The following ABI3BP variants were observed in gnomAD, a reference collection of about 807,000 sequenced individuals.
ABI3BP encodes the protein ABI family member 3 binding protein, also known as target of Nesh-SH3.
Under a neutral mutation model 268.6 loss-of-function variants are expected in ABI3BP, and 216 were observed. The ratio of observed to expected loss-of-function variants is 0.80; its 90% CI spans 0.72 to 0.90. The LOEUF (loss-of-function observed/expected upper bound fraction) is 0.90, where lower values mean the gene tolerates loss of function less well. Ranked by LOEUF, ABI3BP falls within the 40% of genes least tolerant of loss-of-function variation. The pLI is 0.00. For synonymous variants in ABI3BP, 730 were observed against 730.0 expected, an observed-to-expected ratio of 1.00 and a Z score of 0.00; for missense variants, 2,090 against 2,182.4, an observed-to-expected ratio of 0.96 and a Z score of 0.84.
intron 1 of ABI3BP, among the ~76,000 whole-genome samples, chr3:100,931,332 G>A (rs1235594708): frequency 6.6e-6 from 1 of 152,050 alleles, no homozygotes; most frequent in East Asian, 1.9e-4. Context: ...CATAGTACTG[G>A]AAGTCTTAGC....
At chr3:100,904,215 G>A (rs2051997177) in intron 2 of ABI3BP, among the ~76,000 whole-genome samples, 1 of 152,182 alleles carries the variant, frequency 6.6e-6, no homozygotes, top group Non-Finnish European at 1.5e-5. Context: ...AACTGGGGCA[G>A]GGTTGACTTC....
chr3:100,819,947 C>CA lies in ABI3BP; in HGVS notation c.3031+272dup, dbSNP rs3029879. On this transcript the variant is annotated intron_variant, in intron 40 of 67. Coordinates refer to ENST00000471714, the MANE Select transcript of ABI3BP (RefSeq NM_001375547.2). ...GGGGCAACAGAGTAAGACTCCGTCT[C>CA]AAAAAAAAAAAAAAAAAAAAAAGAA... Among the ~76,000 whole-genome samples the CA allele has an allele frequency of 8.4e-3, 794 of 94,284 alleles. 10 individuals carry two copies. Among genetic ancestry groups the CA allele is most frequent in the East Asian group, 0.017 (48 of 2,884 alleles). The allele number at this position is 94,284 out of a possible 152,430, so 61.9% of individuals were successfully genotyped here. A position where few individuals can be genotyped will look rare whatever the true frequency, so the allele number is the denominator to read the frequency against.
chr3:100,885,634 C>T, intron 5 of ABI3BP, 46 bp from the exon 6 acceptor site: 1 of 1,181,730 alleles, frequency 8.5e-7, no homozygotes, highest in South Asian at 1.5e-5. Context: ...TCTCCTTGCT[C>T]CTAAATCAAC....
chr3:100,959,659 C>T (rs1355365741), intron 1 of ABI3BP, among the ~76,000 whole-genome samples: 1 of 151,894 alleles, frequency 6.6e-6, no homozygotes, highest in Non-Finnish European at 1.5e-5. Context: ...GTTGTAGGCT[C>T]AAAGGGAAGA....
At chr3:100,945,945 T>C (rs1335736411) in intron 1 of ABI3BP, among the ~76,000 whole-genome samples, 1 of 152,188 alleles carries the variant, frequency 6.6e-6, no homozygotes, top group Admixed American at 6.5e-5. Context: ...AATATTTCTC[T>C]TGCTTGAGGA....
At chr3:100,916,833 C>A (rs2058747191) in intron 2 of ABI3BP, among the ~76,000 whole-genome samples, 2 of 152,172 alleles carry the variant, frequency 1.3e-5, no homozygotes, top group African/African-American at 4.8e-5. Flanking sequence ...TGGGCTATTA[C>A]CTTGGGATCA....
chr3:100,909,729 A>T (rs962827177), intron 2 of ABI3BP, among the ~76,000 whole-genome samples: 3 of 152,248 alleles, frequency 2.0e-5, no homozygotes, highest in Non-Finnish European at 4.4e-5. Flanking sequence ...ATACCATCTC[A>T]TTCCAGGTAG....
At position 100,808,393 on chromosome 3, in the gene ABI3BP, T is replaced by A. The variant is rs73152453; in HGVS notation, c.3608-158A>T. Among the ~76,000 whole-genome samples, 21,033 of 152,012 alleles carry A rather than the reference T, an allele frequency of 0.14. 1,891 individuals carry two copies. Among genetic ancestry groups the A allele is most frequent in the South Asian group, 0.27 (1,291 of 4,810 alleles). On this transcript the variant is annotated intron_variant, in intron 49 of 67. Transcript: ENST00000471714. The stretch of plus-strand genomic sequence containing the variant: ...TGCAAAGTATAGGAAGGTAACTTTT[T>A]TATATAACAGAAAACAAAACAAAAA...
chr3:100,971,510 G>A (rs1180867294), intron 1 of ABI3BP, among the ~76,000 whole-genome samples: 1 of 152,176 alleles, frequency 6.6e-6, no homozygotes, highest in Non-Finnish European at 1.5e-5. Context: ...GCATTATAAG[G>A]AGAAGGCAAG....
chr3:100,857,304 T>G (rs531314832), intron 14 of ABI3BP, among the ~76,000 whole-genome samples: 1 of 152,210 alleles, frequency 6.6e-6, no homozygotes, highest in Non-Finnish European at 1.5e-5. Flanking sequence ...GATTTCATTG[T>G]ATTAAGGAAA....
chr3:100,824,004 A>G (rs993741398), intron 36 of ABI3BP, among the ~76,000 whole-genome samples: 6 of 152,218 alleles, frequency 3.9e-5, no homozygotes, highest in African/African-American at 1.4e-4. Flanking sequence ...ATCTATACAC[A>G]GAGTTTGAGA....
intron 60 of ABI3BP, 35 bp downstream of exon 60, chr3:100,775,172 C>T: frequency 6.2e-7 from 1 of 1,606,450 alleles, no homozygotes. Context: ...CACCTCACAG[C>T]TAAGTATCCA....
chr3:100,948,707 A>G (rs538040501), intron 1 of ABI3BP, among the ~76,000 whole-genome samples: 2 of 152,320 alleles, frequency 1.3e-5, no homozygotes, highest in Non-Finnish European at 2.9e-5. Context: ...TTTAACTTAA[A>G]AAATTATACA....
Position 100,754,664 on chromosome 3 carries a change from G to GT in ABI3BP, c.4877dup (p.Asn1626LysfsTer5). The stretch of plus-strand genomic sequence containing the variant: ...TGCTGACCGGGCCTTCACCAAGCGG[G>GT]TTTTTGGGTTTCACCTGGAATTCAT... On this transcript the variant is annotated frameshift_variant, in exon 64 of 68. Coordinates refer to ENST00000471714, the MANE Select transcript of ABI3BP (RefSeq NM_001375547.2). LOFTEE classifies it high-confidence loss of function. 1 of 1,589,622 alleles carries GT rather than the reference G, an allele frequency of 6.3e-7. No homozygotes were observed. Among genetic ancestry groups the GT allele is most frequent in the Non-Finnish European group, 8.6e-7 (1 of 1,166,632 alleles).
At chr3:100,929,792 A>G (rs2063033387) in intron 1 of ABI3BP, among the ~76,000 whole-genome samples, 1 of 151,906 alleles carries the variant, frequency 6.6e-6, no homozygotes, top group Non-Finnish European at 1.5e-5. Flanking sequence ...GATTCCCTCT[A>G]TCTTTGGTTT....
chr3:100,809,039 C>T (rs1262368104), intron 49 of ABI3BP, among the ~76,000 whole-genome samples: 2 of 151,994 alleles, frequency 1.3e-5, no homozygotes, highest in African/African-American at 4.8e-5. Context: ...TTATTTGACA[C>T]CAGAAGTTTC....
chr3:100,808,651 A>C (rs1424056979), intron 49 of ABI3BP, among the ~76,000 whole-genome samples: 1 of 152,102 alleles, frequency 6.6e-6, no homozygotes, highest in Non-Finnish European at 1.5e-5. Context: ...GCCCAAATAT[A>C]TAATGTATTT....
Position 100,808,162 on chromosome 3 carries a change from T to C in ABI3BP, c.3681A>G (p.Pro1227=). ...CTAAAATGTAAAATATATATTTACCTGGTTGTGTTTGTGGGATTCTTGGGC... is the reference window on the plus strand; with the variant it reads ...CTAAAATGTAAAATATATATTTACCCGGTTGTGTTTGTGGGATTCTTGGGC... ...SPRPRIPQTQ[P]VPKVPQRVTA... The change falls in exon 50 of 68, where the codon CCA becomes CCG. Residue 1227 remains proline, a splice_region_variant and synonymous_variant. Transcript: ENST00000471714. The C allele has an allele frequency of 6.2e-7, 1 of 1,610,782 alleles. No individual in the cohort carries two copies. Among genetic ancestry groups the C allele is most frequent in the South Asian group, 1.1e-5 (1 of 90,792 alleles).
At chr3:100,861,612 C>G (rs1362667121) in intron 14 of ABI3BP, among the ~76,000 whole-genome samples, 1 of 151,010 alleles carries the variant, frequency 6.6e-6, no homozygotes, top group Non-Finnish European at 1.5e-5. Flanking sequence ...AAAAGATGTA[C>G]AGAATTTAAT....
Sources: gnomAD v4.1 joint callset for allele counts (sites outside exome capture counted in the v4.1 genomes callset) on GRCh38, gnomAD v4.1.1 for gene constraint, MANE v1.5 for transcripts, NCBI Gene and HGNC (gene_info 2026-07-23, HGNC 2026-07-21) for gene names.